The following HIKESHI variants were observed in gnomAD, a reference collection of about 807,000 sequenced individuals.
The protein encoded by HIKESHI is protein Hikeshi.
HIKESHI carries 13 observed loss-of-function variants against 25.7 expected under a neutral mutation model. The observed-to-expected ratio is 0.51, with a 90% CI of 0.33 to 0.80. HIKESHI has a LOEUF of 0.80. HIKESHI is among the 30% of genes least tolerant of loss of function. The pLI, the probability that HIKESHI is intolerant of heterozygous loss-of-function variation, is 0.02. For synonymous variants in HIKESHI, 76 were observed against 78.7 expected (o/e 0.97, Z 0.18); for missense variants, 174 against 229.5 (o/e 0.76, Z 1.56).
chr11:86,306,547 G>A lies in HIKESHI; in HGVS notation c.268+65G>A. On this transcript the variant is annotated intron_variant, in intron 2 of 4. Coordinates refer to ENST00000278483, the MANE Select transcript of HIKESHI (RefSeq NM_016401.4). Reference sequence around the variant, plus strand: ...ACTTTTTTCTTAAATAGCATAACATGGAATATGACTTTTCCCCCTTTAGAT... The same window carrying A: ...ACTTTTTTCTTAAATAGCATAACATAGAATATGACTTTTCCCCCTTTAGAT... The A allele has an allele frequency of 7.6e-6, 7 of 925,110 alleles. No individual in the cohort carries two copies. In the South Asian group the frequency reaches 1.0e-4, roughly 14 times the overall value. The allele number at this position is 925,110 out of a possible 1,614,324, so 57.3% of individuals were successfully genotyped here.
Position 86,337,469 on chromosome 11 carries a change from G to C in HIKESHI, c.359G>C (p.Ser120Thr). The C allele has an allele frequency of 6.2e-7, 1 of 1,614,074 alleles. No homozygotes were observed. Among genetic ancestry groups the C allele is most frequent in the Non-Finnish European group, 8.5e-7 (1 of 1,179,984 alleles). The change falls in exon 3 of 5, where the codon AGT becomes ACT. Residue 120 changes from serine (S) to threonine (T), a missense_variant. Physicochemically the swap from Ser to Thr is moderately conservative, Grantham distance 58 (BLOSUM62 1). Transcript: ENST00000278483. ...QIGISVELLD[S>T]MAQQTPVGNA... Reference sequence around the variant, plus strand: ...GGAATTTCAGTGGAATTATTAGACAGTATGGCTCAGCAGACTCCTGTAGGT... The same window carrying C: ...GGAATTTCAGTGGAATTATTAGACACTATGGCTCAGCAGACTCCTGTAGGT...
At chr11:86,307,576 T>C (rs1229940621) in intron 2 of HIKESHI, among the ~76,000 whole-genome samples, 1 of 130,658 alleles carries the variant, frequency 7.7e-6, no homozygotes, top group East Asian at 2.2e-4. Context: ...ACATTATATA[T>C]CAAATATATA....
At chr11:86,344,804 C>T (rs777498939) in intron 4 of HIKESHI, 83 bp downstream of exon 4, 1 of 941,992 alleles carries the variant, frequency 1.1e-6, no homozygotes. Flanking sequence ...CCTTTTTTGA[C>T]ATTTAAACAT....
At chr11:86,339,978 C>G (rs1947680546) in intron 3 of HIKESHI, among the ~76,000 whole-genome samples, 1 of 151,192 alleles carries the variant, frequency 6.6e-6, no homozygotes. Flanking sequence ...TCAATTCCCA[C>G]CTATGAGTGA....
At chr11:86,308,174 AATAT>A (rs558546781) in intron 2 of HIKESHI, among the ~76,000 whole-genome samples, 1 of 124,304 alleles carries the variant, frequency 8.0e-6, no homozygotes, top group Non-Finnish European at 1.6e-5. Flanking sequence ...TTACATATAA[AATAT>A]ATATTACATA....
At chr11:86,303,291 C>G in intron 1 of HIKESHI, 1 of 452,460 alleles carries the variant, frequency 2.2e-6, no homozygotes, top group Non-Finnish European at 2.9e-6. Context: ...TGTTGCAGTC[C>G]CTTTGCTGAA....
Position 86,302,250 on chromosome 11 carries a change from C to T in HIKESHI, c.-199C>T, listed in dbSNP as rs1387560745. The T allele has an allele frequency of 2.8e-5, 17 of 616,270 alleles. No individual in the cohort carries two copies. Among genetic ancestry groups the T allele is most frequent in the Admixed American group, 7.5e-5 (3 of 39,788 alleles). The allele number at this position is 616,270 out of a possible 1,614,324, so 38.2% of individuals were successfully genotyped here. Reference sequence around the variant, plus strand: ...GCCCCGGAAGTACTTGTTGCCTGAGCAGTGGGCTGCTTAGGAAGAGAAGGT... The same window carrying T: ...GCCCCGGAAGTACTTGTTGCCTGAGTAGTGGGCTGCTTAGGAAGAGAAGGT... On this transcript the variant is annotated 5_prime_UTR_variant, in exon 1 of 5. Transcript: ENST00000278483.
chr11:86,314,111 A>G (rs921324386), intron 2 of HIKESHI, among the ~76,000 whole-genome samples: 2 of 152,304 alleles, frequency 1.3e-5, no homozygotes, highest in South Asian at 2.1e-4. Context: ...AAATACTCAA[A>G]TATTTGCTTC....
intron 4 of HIKESHI, 55 bp from the exon 5 acceptor site, chr11:86,345,528 GA>G (rs772391972): frequency 1.6e-4 from 163 of 1,016,212 alleles, no homozygotes; most frequent in Non-Finnish European, 2.2e-4. Context: ...GGCAGTTAAT[GA>G]AAGATCCTAT....
chr11:86,321,360 G>C (rs888912532), intron 2 of HIKESHI, among the ~76,000 whole-genome samples: 2 of 151,994 alleles, frequency 1.3e-5, no homozygotes, highest in African/African-American at 4.8e-5. Context: ...CTAGTTTTTG[G>C]CTCATAAAAA....
chr11:86,303,846 T>A (rs547556168), intron 1 of HIKESHI, among the ~76,000 whole-genome samples: 2 of 152,110 alleles, frequency 1.3e-5, no homozygotes, highest in Non-Finnish European at 2.9e-5. Context: ...ATACACCTTT[T>A]CTTAATGTCA....
chr11:86,333,263 C>T (rs1410502663), intron 2 of HIKESHI, among the ~76,000 whole-genome samples: 3 of 151,954 alleles, frequency 2.0e-5, no homozygotes, highest in Admixed American at 6.6e-5. Context: ...AGGCCGGGTG[C>T]GGTGGCTCAT....
rs190676403 is a variant in HIKESHI, at chr11:86,330,156, A to G, written c.269-7223A>G. ...TTTTTTAGTGGTTCCTCTAGGGATT[A>G]CAATATACATTGTTAACTTTTCACA... On this transcript the variant is annotated intron_variant, in intron 2 of 4. Transcript: ENST00000278483. Among the ~76,000 whole-genome samples the G allele has an allele frequency of 1.2e-3, 183 of 152,212 alleles. 1 individual carries two copies. The highest frequency in any genetic ancestry group is 2.0e-3 in the Admixed American group (31 of 15,276).
intron 3 of HIKESHI, among the ~76,000 whole-genome samples, chr11:86,340,229 A>G (rs1947689393): frequency 6.6e-6 from 1 of 152,204 alleles, no homozygotes; most frequent in Non-Finnish European, 1.5e-5. Context: ...ATGTGTCTTT[A>G]TAGCAGCATG....
chr11:86,319,362 C>T (rs990894213), intron 2 of HIKESHI, among the ~76,000 whole-genome samples: 3 of 150,474 alleles, frequency 2.0e-5, no homozygotes, highest in African/African-American at 4.9e-5. Context: ...CTCAGCCTCC[C>T]GAGGAGCTAG....
intron 2 of HIKESHI, among the ~76,000 whole-genome samples, chr11:86,329,053 T>C (rs903098006): frequency 6.6e-6 from 1 of 152,080 alleles, no homozygotes; most frequent in Admixed American, 6.5e-5. Flanking sequence ...AATGTTTAGT[T>C]ACTCTTTCTT....
chr11:86,316,089 G>A lies in HIKESHI; in HGVS notation c.268+9607G>A, dbSNP rs7112349. Among the ~76,000 whole-genome samples the A allele has an allele frequency of 5.5e-3, 742 of 133,742 alleles. 8 individuals carry two copies. The highest frequency in any genetic ancestry group is 0.019 in the African/African-American group (675 of 34,990). 87.7% of individuals were successfully genotyped at this position (133,742 alleles called of 152,430 possible). A position where few individuals can be genotyped will look rare whatever the true frequency, so the allele number is the denominator to read the frequency against. ...GAGCCTAGGAGTCCAAGACCAGATT[G>A]GGCAACATAGCAAGACTGTCTCCAT... On this transcript the variant is annotated intron_variant, in intron 2 of 4. Coordinates refer to ENST00000278483, the MANE Select transcript of HIKESHI (RefSeq NM_016401.4).
At chr11:86,326,436 C>T (rs939429302) in intron 2 of HIKESHI, 2 of 452,818 alleles carry the variant, frequency 4.4e-6, no homozygotes, top group African/African-American at 2.0e-5. Context: ...TTACTTTCGG[C>T]CTTTCTGTTA....
intron 2 of HIKESHI, among the ~76,000 whole-genome samples, chr11:86,311,259 G>A (rs1341907128): frequency 2.0e-5 from 3 of 151,964 alleles, no homozygotes; most frequent in Admixed American, 6.6e-5. Context: ...GTCTATTCAG[G>A]GATTCAACTT....
Sources: gnomAD v4.1 joint callset for allele counts (sites outside exome capture counted in the v4.1 genomes callset) on GRCh38, gnomAD v4.1.1 for gene constraint, MANE v1.5 for transcripts, NCBI Gene and HGNC (gene_info 2026-07-23, HGNC 2026-07-21) for gene names.